Variants in GOLGA4 observed in about 807,000 individuals in gnomAD.
GOLGA4 encodes the protein golgin A4.
In GOLGA4, 169 loss-of-function variants were observed where a neutral mutation model predicts 265.9. The ratio of observed to expected loss-of-function variants is 0.64; its 90% confidence interval spans 0.56 to 0.72. The LOEUF is 0.72. GOLGA4 is among the 30% of genes least tolerant of loss of function. The pLI, the probability that GOLGA4 is intolerant of heterozygous loss-of-function variation, is 0.00. For missense variants in GOLGA4, 2,482 were observed against 2,483.4 expected (o/e 1.00, Z 0.01); for synonymous variants, 923 against 855.8 (o/e 1.08, Z -1.37).
chr3:37,274,809 G>A (rs2096809642), intron 2 of GOLGA4, among the ~76,000 whole-genome samples: 1 of 152,112 alleles, frequency 6.6e-6, no homozygotes, highest in Non-Finnish European at 1.5e-5. Context: ...ATGTAAAATA[G>A]TATTATTTCT....
In GOLGA4 at chr3:37,325,290, AT is replaced by A; in HGVS notation, c.3405del (p.Glu1137LysfsTer3). 1 of 1,612,748 alleles carries A rather than the reference AT, an allele frequency of 6.2e-7. No individual in the cohort carries two copies. The highest frequency in any genetic ancestry group is 8.5e-7 in the Non-Finnish European group (1 of 1,178,972). On this transcript the variant is annotated frameshift_variant, in exon 14 of 24. Coordinates refer to ENST00000361924, the MANE Select transcript of GOLGA4 (RefSeq NM_002078.5). LOFTEE classifies it high-confidence loss of function. ...CAAGATGAAACTAAACTGAAAGCTC[AT>A]CTTGAAAAGCTAGAGGTTGACTTGA... The part of the protein sequence containing the change: ...LAQDETKLKA[H>X]LEKLEVDLNK...
chr3:37,336,669 G>A lies in GOLGA4; in HGVS notation c.6307-474G>A, dbSNP rs58655174. Among the ~76,000 whole-genome samples the A allele has an allele frequency of 8.3e-3, 1,261 of 152,128 alleles. 101 individuals carry two copies. In the East Asian group the frequency reaches 0.18, roughly 21 times the overall value. On this transcript the variant is annotated intron_variant, in intron 17 of 23. Transcript: ENST00000361924. ...GCCTGTGGTCCCAGCTACTTGGGAG[G>A]CTGAGGCAGGAGAATCGCTTGAACC...
At chr3:37,309,668 A>T (rs1042233594) in intron 10 of GOLGA4, among the ~76,000 whole-genome samples, 4 of 152,258 alleles carry the variant, frequency 2.6e-5, no homozygotes, top group African/African-American at 9.6e-5. Flanking sequence ...AATAAGGTTT[A>T]GTGTGAAGAA....
intron 6 of GOLGA4, among the ~76,000 whole-genome samples, 166 bp from the exon 7 acceptor site, chr3:37,295,921 A>C (rs187728562): frequency 2.0e-5 from 3 of 152,338 alleles, no homozygotes; most frequent in Admixed American, 2.0e-4. Context: ...GGATGTGTGT[A>C]GGCTATATGC....
rs139401806 is a variant in GOLGA4 at position 37,323,179 on chromosome 3, T to A, written c.1702-409T>A. 3.5e-3 allele frequency among the ~76,000 whole-genome samples: 488 copies of A among 140,434 alleles called. 4 individuals carry two copies. Among genetic ancestry groups the A allele is most frequent in the African/African-American group, 0.013 (475 of 37,684 alleles). 92.1% of individuals were successfully genotyped at this position (140,434 alleles called of 152,430 possible). A position where few individuals can be genotyped will look rare whatever the true frequency, so the allele number is the denominator to read the frequency against. On this transcript the variant is annotated intron_variant, in intron 13 of 23. Coordinates refer to ENST00000361924, the MANE Select transcript of GOLGA4 (RefSeq NM_002078.5). ...TCTCGCTTTGTTGCCCAGGCTGGAGTGTAGTGGCATGATCTCGGCTCACTG... is the reference window on the plus strand; with the variant it reads ...TCTCGCTTTGTTGCCCAGGCTGGAGAGTAGTGGCATGATCTCGGCTCACTG...
At chr3:37,277,127 A>C (rs2096821538) in intron 2 of GOLGA4, among the ~76,000 whole-genome samples, 1 of 152,152 alleles carries the variant, frequency 6.6e-6, no homozygotes, top group Non-Finnish European at 1.5e-5. Context: ...TATGAATTTG[A>C]TTTTAATTAT....
chr3:37,314,682 CG>C (rs1559416146), intron 10 of GOLGA4, among the ~76,000 whole-genome samples: 4 of 142,552 alleles, frequency 2.8e-5, no homozygotes, highest in Non-Finnish European at 4.7e-5. Flanking sequence ...CACACACACA[CG>C]AAAAAAACCT....
intron 8 of GOLGA4, 98 bp from the exon 9 acceptor site, chr3:37,299,190 T>C (rs897362247): frequency 1.0e-6 from 1 of 955,004 alleles, no homozygotes; most frequent in African/African-American, 1.7e-5. Context: ...TTTTTCCTTC[T>C]GCACTGTAAC....
chr3:37,275,092 T>G (rs2096810975), intron 2 of GOLGA4, among the ~76,000 whole-genome samples: 1 of 151,488 alleles, frequency 6.6e-6, no homozygotes, highest in African/African-American at 2.4e-5. Context: ...GGCGGGTACC[T>G]GTAATTCCAG....
chr3:37,345,834 C>G (rs530919727), intron 20 of GOLGA4, among the ~76,000 whole-genome samples: 5 of 151,992 alleles, frequency 3.3e-5, no homozygotes, highest in Non-Finnish European at 7.4e-5. Context: ...GTAATCTCAG[C>G]TGCTCGGTAG....
intron 5 of GOLGA4, among the ~76,000 whole-genome samples, chr3:37,289,695 TTA>T (rs1181747903): frequency 1.3e-5 from 2 of 152,206 alleles, no homozygotes; most frequent in Non-Finnish European, 2.9e-5. Context: ...TTGAATTCCT[TTA>T]TGTCTTCCTG....
intron 23 of GOLGA4, among the ~76,000 whole-genome samples, chr3:37,364,029 T>C (rs192434551): frequency 1.2e-4 from 19 of 152,298 alleles, no homozygotes; most frequent in Admixed American, 1.2e-3. Flanking sequence ...AACATGATTA[T>C]TGAACTAGTT....
At chr3:37,252,675 C>T (rs542120980) in intron 2 of GOLGA4, among the ~76,000 whole-genome samples, 2 of 152,164 alleles carry the variant, frequency 1.3e-5, no homozygotes, top group East Asian at 3.9e-4. Context: ...TTCATTTCAG[C>T]TGTTCTGGTG....
chr3:37,279,706 A>G (rs910551784), intron 2 of GOLGA4, among the ~76,000 whole-genome samples: 3 of 152,148 alleles, frequency 2.0e-5, no homozygotes, highest in Non-Finnish European at 4.4e-5. Context: ...CAGGAGTTCG[A>G]GACCAGCCGG....
chr3:37,267,947 G>C (rs1198989762), intron 2 of GOLGA4, among the ~76,000 whole-genome samples: 1 of 152,194 alleles, frequency 6.6e-6, no homozygotes, highest in Non-Finnish European at 1.5e-5. Flanking sequence ...GATTTCTAGT[G>C]ATGGCTTAGC....
chr3:37,278,582 A>G (rs1249369145), intron 2 of GOLGA4, among the ~76,000 whole-genome samples: 1 of 152,214 alleles, frequency 6.6e-6, no homozygotes, highest in Non-Finnish European at 1.5e-5. Context: ...TGAATGAGTC[A>G]ACTTTATAAC....
At chr3:37,281,045 T>C (rs1443603535) in intron 2 of GOLGA4, among the ~76,000 whole-genome samples, 1 of 152,232 alleles carries the variant, frequency 6.6e-6, no homozygotes, top group Non-Finnish European at 1.5e-5. Flanking sequence ...CTTTGAGATC[T>C]TAGTGACCCG....
intron 21 of GOLGA4, among the ~76,000 whole-genome samples, chr3:37,352,713 G>A (rs1414794334): frequency 1.3e-5 from 2 of 151,418 alleles, no homozygotes; most frequent in South Asian, 4.1e-4. Context: ...GTTGTTACTG[G>A]TTTGTTCTTC....
In GOLGA4 at chr3:37,243,529, AG is replaced by A; in HGVS notation, c.-20del. On this transcript the variant is annotated 5_prime_UTR_variant, in exon 1 of 24. Transcript: ENST00000361924. ...CGCCCTTCAGGTTTCGTTGACACTC[AG>A]GACCGTACGTACGCTGCGCCATGTT... 2.5e-6 allele frequency: 4 copies of A among 1,612,146 alleles called. No individual in the cohort carries two copies. Among genetic ancestry groups the A allele is most frequent in the Non-Finnish European group, 3.4e-6 (4 of 1,178,216 alleles).
Sources: allele counts gnomAD v4.1 joint callset (sites outside exome capture counted in the v4.1 genomes callset), GRCh38; gene constraint gnomAD v4.1.1; transcripts MANE v1.5; gene names NCBI Gene and HGNC (gene_info 2026-07-23, HGNC 2026-07-21).